CLPTM1: variants seen among roughly 807,000 people sequenced by gnomAD.
CLPTM1 encodes the protein CLPTM1 regulator of GABA type A receptor forward trafficking.
A neutral mutation model predicts 77.3 loss-of-function variants in CLPTM1; 21 were observed. The observed-to-expected ratio is 0.27, with a 90% CI of 0.19 to 0.39. CLPTM1 has a LOEUF of 0.39. Among genes scored for constraint, CLPTM1 ranks in the 10% least tolerant of loss-of-function variants. The pLI, the probability that CLPTM1 is intolerant of heterozygous loss-of-function variation, is 1.00. For missense variants in CLPTM1, 642 were observed against 921.2 expected, an observed-to-expected ratio of 0.70 and a Z score of 3.92; for synonymous variants, 373 against 381.0, an observed-to-expected ratio of 0.98 and a Z score of 0.24.
At chr19:44,985,181 G>T (rs1195491883) in intron 5 of CLPTM1, 37 bp from the exon 6 acceptor site, 3 of 1,543,664 alleles carry the variant, frequency 1.9e-6, no homozygotes, top group South Asian at 2.2e-5. Flanking sequence ...GTGCCAGCAG[G>T]TCTCACGTCC....
At chr19:44,954,730 G>A (rs1341434186), upstream of CLPTM1, 1 of 1,268,460 alleles carries the variant, frequency 7.9e-7, no homozygotes, top group East Asian at 3.6e-5. Flanking sequence ...ACGCGCATGC[G>A]TGCTAGGCAG....
intron 4 of CLPTM1, 28 bp from the exon 5 acceptor site, chr19:44,977,315 T>C (rs1970820048): frequency 6.4e-7 from 1 of 1,572,890 alleles, no homozygotes; most frequent in East Asian, 2.2e-5. Flanking sequence ...TTGCCCAGCC[T>C]GCCCACCTGA....
At chr19:44,988,457 G>A (rs1057141189) in intron 9 of CLPTM1, among the ~76,000 whole-genome samples, 2 of 152,274 alleles carry the variant, frequency 1.3e-5, no homozygotes, top group Non-Finnish European at 2.9e-5. Flanking sequence ...CCAGAGCCAA[G>A]AGCAGGGAAG....
Position 44,955,399 on chromosome 19 carries a change from G to GCGGCGGCGCAGGAGGCGGACGGGGC in CLPTM1, c.6_30dup (p.Arg11GlyfsTer60). The GCGGCGGCGCAGGAGGCGGACGGGGC allele has an allele frequency of 7.5e-7, 1 of 1,340,142 alleles. No homozygotes were observed. The highest frequency in any genetic ancestry group is 9.6e-7 in the Non-Finnish European group (1 of 1,046,290). The allele number at this position is 1,340,142 out of a possible 1,614,324, so 83.0% of individuals were successfully genotyped here. A position where few individuals can be genotyped will look rare whatever the true frequency, so the allele number is the denominator to read the frequency against. On this transcript the variant is annotated frameshift_variant, in exon 1 of 14. Transcript: ENST00000337392. LOFTEE classifies it high-confidence loss of function. ...GGCGGGGACCCGGAGCGGGAAGATG[G>GCGGCGGCGCAGGAGGCGGACGGGGC]CGGCGGCGCAGGAGGCGGACGGGGC...
At chr19:44,987,580 A>T in intron 8 of CLPTM1, 157 bp downstream of exon 8, 3 of 1,006,222 alleles carry the variant, frequency 3.0e-6, no homozygotes, top group Non-Finnish European at 4.3e-6. Context: ...AGTGAAAGGA[A>T]GTGGGCACCC....
chr19:44,976,592 A>G (rs1259790512), intron 4 of CLPTM1, among the ~76,000 whole-genome samples: 2 of 152,172 alleles, frequency 1.3e-5, no homozygotes, highest in African/African-American at 2.4e-5. Context: ...CTTTGTCTCC[A>G]CCCAGTGCCC....
Position 44,991,355 on chromosome 19 carries a change from G to A in CLPTM1, c.1537G>A (p.Gly513Ser), listed in dbSNP as rs762373873. 13 of 1,613,330 alleles carry A rather than the reference G, an allele frequency of 8.1e-6. No homozygotes were observed. Among genetic ancestry groups the A allele is most frequent in the Admixed American group, 3.3e-5 (2 of 60,014 alleles). The change falls in exon 12 of 14, where the codon GGC (glycine) becomes AGC (serine). Residue 513 changes from glycine to serine, a missense_variant. Coordinates refer to ENST00000337392, the MANE Select transcript of CLPTM1 (RefSeq NM_001294.4). The surrounding 1 kb of genome is among the most constrained non-coding windows in gnomAD (Gnocchi z 5.4). The stretch of plus-strand genomic sequence containing the variant: ...CTCCTGGGTGCTCAGCATGCTCTAC[G>A]GCTTCCTGCTGACCTTCGGTGAGCG... ...WYSWVLSMLY[G>S]FLLTFGFITM...
In CLPTM1 at chr19:44,992,563, C is replaced by T. The variant is rs1286614081; in HGVS notation, c.1724-48C>T. 2 of 1,607,126 alleles carry T rather than the reference C, an allele frequency of 1.2e-6. No homozygotes were observed. Among genetic ancestry groups the T allele is most frequent in the Non-Finnish European group, 1.7e-6 (2 of 1,175,824 alleles). ...GCCCTCTCCACCCAGGCCCACCTGG[C>T]TGTGGACGGGCCAGCCCGACCTCAC... On this transcript the variant is annotated intron_variant, in intron 13 of 13. Coordinates refer to ENST00000337392, the MANE Select transcript of CLPTM1 (RefSeq NM_001294.4). This position sits in a 1 kb window ranked among gnomAD's most constrained non-coding sequence, Gnocchi z 7.7.
intron 2 of CLPTM1, among the ~76,000 whole-genome samples, chr19:44,965,979 G>C (rs901772391): frequency 6.6e-6 from 1 of 152,250 alleles, no homozygotes; most frequent in Non-Finnish European, 1.5e-5. Context: ...GAAGAGGAGA[G>C]TGGTTATGGG....
upstream of CLPTM1, chr19:44,954,715 A>G: frequency 8.2e-7 from 1 of 1,217,124 alleles, no homozygotes; most frequent in Non-Finnish European, 1.0e-6. Flanking sequence ...TGGACCACTG[A>G]GGGAACGCGC....
Position 44,991,588 on chromosome 19 carries a change from G to A in CLPTM1, c.1555+215G>A, listed in dbSNP as rs1041268650. On this transcript the variant is annotated intron_variant, in intron 12 of 13. Coordinates refer to ENST00000337392, the MANE Select transcript of CLPTM1 (RefSeq NM_001294.4). This position sits in a 1 kb window ranked among gnomAD's most constrained non-coding sequence, Gnocchi z 5.4. The stretch of plus-strand genomic sequence containing the variant: ...TACGCTTCAGTCCTCATTCTCAGGG[G>A]GCCTTTGTGTCTTGGGAACAAGTAA... Among the ~76,000 whole-genome samples, 2 of 152,144 alleles carry A rather than the reference G, an allele frequency of 1.3e-5. No individual in the cohort carries two copies. The highest frequency in any genetic ancestry group is 2.9e-5 in the Non-Finnish European group (2 of 68,024).
In CLPTM1 at chr19:44,990,339, A is replaced by G. The variant is rs769539352; in HGVS notation, c.1133-56A>G. The G allele has an allele frequency of 2.3e-5, 36 of 1,563,638 alleles. No homozygotes were observed. In the Middle Eastern group the frequency reaches 7.0e-4, roughly 31 times the overall value. ...GGCCAAGGGGGCCTGAGGGAGCTGC[A>G]GTAGGGTCTCAGCACCTCCTCAGCC... On this transcript the variant is annotated intron_variant, in intron 9 of 13. Coordinates refer to ENST00000337392, the MANE Select transcript of CLPTM1 (RefSeq NM_001294.4). This position sits in a 1 kb window ranked among gnomAD's most constrained non-coding sequence, Gnocchi z 4.8.
chr19:44,984,079 C>G (rs933967125), intron 5 of CLPTM1, among the ~76,000 whole-genome samples: 16 of 152,256 alleles, frequency 1.1e-4, no homozygotes, highest in African/African-American at 3.9e-4. Context: ...GGGCCTGTGG[C>G]CAACTGGGCC....
At position 44,991,094 on chromosome 19, in the gene CLPTM1, C is replaced by T. The variant is rs1600049488; in HGVS notation, c.1420-144C>T. 1 of 1,291,212 alleles carries T rather than the reference C, an allele frequency of 7.7e-7. No homozygotes were observed. Among genetic ancestry groups the T allele is most frequent in the South Asian group, 1.3e-5 (1 of 74,962 alleles). The allele number at this position is 1,291,212 out of a possible 1,614,324, so 80.0% of individuals were successfully genotyped here. The stretch of plus-strand genomic sequence containing the variant: ...TCCCCCATCTGCCATAACTGCTTCC[C>T]TGGGCGAGTCCGGAGTCCCCAGGGC... On this transcript the variant is annotated intron_variant, in intron 11 of 13. Coordinates refer to ENST00000337392, the MANE Select transcript of CLPTM1 (RefSeq NM_001294.4). The surrounding 1 kb of genome is among the most constrained non-coding windows in gnomAD (Gnocchi z 5.4).
Position 44,977,440 on chromosome 19 carries a change from C to T in CLPTM1, c.566C>T (p.Ala189Val). Reference protein sequence around the residue: ...PRQKALYRRLATVHMSRMINK... With the variant: ...PRQKALYRRLVTVHMSRMINK... ...CAGAAGGCCCTGTACCGCCGGCTTG[C>T]CACAGTCCACATGTCCCGGAGTAAG... is the stretch of plus-strand genomic sequence containing the variant. Residue 189 changes from alanine (A) to valine (V), a missense_variant, in exon 5 of 14, where the codon GCC becomes GTC. Ala to Val is a moderately conservative substitution (Grantham distance 64). Transcript: ENST00000337392. 1 of 1,607,418 alleles carries T rather than the reference C, an allele frequency of 6.2e-7. No individual in the cohort carries two copies. The highest frequency in any genetic ancestry group is 8.5e-7 in the Non-Finnish European group (1 of 1,179,546).
At chr19:44,956,881 C>T (rs1378869276) in intron 1 of CLPTM1, among the ~76,000 whole-genome samples, 1 of 152,210 alleles carries the variant, frequency 6.6e-6, no homozygotes, top group Non-Finnish European at 1.5e-5. Flanking sequence ...CACGATCCGA[C>T]ACTTTTCTTC....
intron 4 of CLPTM1, among the ~76,000 whole-genome samples, chr19:44,976,088 C>T (rs943374604): frequency 3.9e-5 from 6 of 152,286 alleles, no homozygotes; most frequent in African/African-American, 1.4e-4. Flanking sequence ...CTCCTCTGCT[C>T]AAGCGATCCT....
chr19:44,988,076 G>C lies in CLPTM1; in HGVS notation c.1039-4G>C. 6.2e-7 allele frequency: 1 copy of C among 1,609,920 alleles called. No homozygotes were observed. Among genetic ancestry groups the C allele is most frequent in the Non-Finnish European group, 8.5e-7 (1 of 1,176,160 alleles). On this transcript the variant is annotated splice_polypyrimidine_tract_variant and splice_region_variant and intron_variant, in intron 8 of 13. Coordinates refer to ENST00000337392, the MANE Select transcript of CLPTM1 (RefSeq NM_001294.4). ...CAGGCTGTGCTCACATGTGTCCCCT[G>C]CAGGTGGCCCTGCTGGAGACCAACC... is the stretch of plus-strand genomic sequence containing the variant.
At chr19:44,968,796 G>T (rs1306676546) in intron 2 of CLPTM1, among the ~76,000 whole-genome samples, 1 of 152,180 alleles carries the variant, frequency 6.6e-6, no homozygotes, top group African/African-American at 2.4e-5. Context: ...ACTCTCCCCT[G>T]GTGTGTTTAC....
Sources: allele counts gnomAD v4.1 joint callset (sites outside exome capture counted in the v4.1 genomes callset), GRCh38; gene constraint gnomAD v4.1.1; non-coding constraint Gnocchi (gnomAD v3.1); transcripts MANE v1.5; gene names NCBI Gene and HGNC (gene_info 2026-07-23, HGNC 2026-07-21).